Variants in FUCA1 observed in about 807,000 individuals in gnomAD.
The protein encoded by FUCA1 is tissue alpha-L-fucosidase.
In FUCA1, 52 loss-of-function variants were observed where a neutral mutation model predicts 56.8. That is an observed-to-expected ratio of 0.92 (90% CI 0.73 to 1.15). The LOEUF (loss-of-function observed/expected upper bound fraction) is 1.15. FUCA1 is among the 50% of genes most tolerant of loss of function. FUCA1 has a pLI of 0.00. For synonymous variants in FUCA1, 230 were observed against 226.6 expected, an observed-to-expected ratio of 1.02 and a Z score of -0.14; for missense variants, 568 against 592.6, an observed-to-expected ratio of 0.96 and a Z score of 0.43.
At chr1:23,861,116 G>A (rs1029622096) in intron 3 of FUCA1, among the ~76,000 whole-genome samples, 1 of 151,518 alleles carries the variant, frequency 6.6e-6, no homozygotes, top group African/African-American at 2.4e-5. Flanking sequence ...GAGGTCGGGA[G>A]ATCGAGACCA....
At chr1:23,865,242 T>G (rs982240747) in intron 2 of FUCA1, among the ~76,000 whole-genome samples, 6 of 152,202 alleles carry the variant, frequency 3.9e-5, no homozygotes, top group Non-Finnish European at 8.8e-5. Context: ...GGCCATGAAC[T>G]TCTGTAACGG....
intron 4 of FUCA1, among the ~76,000 whole-genome samples, chr1:23,857,002 G>T (rs921743568): frequency 2.7e-5 from 4 of 148,736 alleles, no homozygotes; most frequent in Non-Finnish European, 6.0e-5. Flanking sequence ...AAAAAAAAAA[G>T]AAAAGAAAAA....
At chr1:23,855,299 C>A (rs185488357) in intron 4 of FUCA1, among the ~76,000 whole-genome samples, 1 of 152,086 alleles carries the variant, frequency 6.6e-6, no homozygotes, top group Non-Finnish European at 1.5e-5. Context: ...AGATAGAGAC[C>A]AACCTGGCTA....
In FUCA1 at chr1:23,845,209, CT is replaced by C. The variant is rs1289642564; in HGVS notation, c.*505del. The C allele has an allele frequency of 5.4e-6, 1 of 185,062 alleles. No homozygotes were observed. The highest frequency in any genetic ancestry group is 1.1e-5 in the Non-Finnish European group (1 of 87,244). The allele number at this position is 185,062 out of a possible 1,614,324, so 11.5% of individuals were successfully genotyped here. On this transcript the variant is annotated 3_prime_UTR_variant, in exon 8 of 8. Coordinates refer to ENST00000374479, the MANE Select transcript of FUCA1 (RefSeq NM_000147.5). ...CGAATTTTGGCGCTTTTAGATTGCTCTGAAAATTTCTGAAGAGTTGACCATA... is the reference window on the plus strand; with the variant it reads ...CGAATTTTGGCGCTTTTAGATTGCTCGAAAATTTCTGAAGAGTTGACCATA...
intron 4 of FUCA1, among the ~76,000 whole-genome samples, chr1:23,856,085 G>T (rs1639383400): frequency 6.6e-6 from 1 of 152,136 alleles, no homozygotes; most frequent in East Asian, 1.9e-4. Context: ...TAGTCAAGGG[G>T]TCTTAGGCAG....
intron 4 of FUCA1, among the ~76,000 whole-genome samples, chr1:23,857,868 C>G (rs1322777845): frequency 6.6e-6 from 1 of 151,780 alleles, no homozygotes; most frequent in African/African-American, 2.4e-5. Flanking sequence ...CGGGGTTTCA[C>G]CGTGTTAGCC....
chr1:23,863,188 GT>G lies in FUCA1; in HGVS notation c.607del (p.Thr203HisfsTer24). ...TGTTTTTGCACTGACAAAATGCTGT[GT>G]TTTGAAGCCATTTTTCTTATCAAGT... ...YLLDKKNGFK[T>X]QHFVSAKTMP... On this transcript the variant is annotated frameshift_variant, in exon 3 of 8. Transcript: ENST00000374479. LOFTEE classifies it high-confidence loss of function. 6.2e-7 allele frequency: 1 copy of G among 1,613,926 alleles called. No individual in the cohort carries two copies. The highest frequency in any genetic ancestry group is 1.3e-5 in the African/African-American group (1 of 75,026).
intron 3 of FUCA1, among the ~76,000 whole-genome samples, chr1:23,862,867 G>A (rs1047373376): frequency 2.0e-5 from 3 of 152,232 alleles, no homozygotes; most frequent in African/African-American, 7.2e-5. Flanking sequence ...AAAACGGCAT[G>A]TAAGAAGGGA....
chr1:23,855,696 T>G (rs571346750), intron 4 of FUCA1, among the ~76,000 whole-genome samples: 1 of 152,214 alleles, frequency 6.6e-6, no homozygotes, highest in Non-Finnish European at 1.5e-5. Context: ...TTCAATCCAA[T>G]GTCTGGTACT....
chr1:23,848,686 A>G lies in FUCA1; in HGVS notation c.1123T>C (p.Trp375Arg), dbSNP rs984479234. The change falls in exon 6 of 8, where the codon TGG becomes CGG. Residue 375 changes from tryptophan to arginine, a missense_variant. Trp to Arg is a moderately radical substitution (Grantham distance 101). Transcript: ENST00000374479. ...GTGTTCTTTTCCCATTGCACCCGCC[A>G]TGGTTTGGAGGCATAGATAGCCTCC... ...NGEAIYASKP[W>R]RVQWEKNTTS... The G allele has an allele frequency of 3.1e-6, 5 of 1,614,074 alleles. No individual in the cohort carries two copies. In the African/African-American group the frequency reaches 6.7e-5, roughly 22 times the overall value.
chr1:23,864,820 T>A (rs1211781790), intron 2 of FUCA1, among the ~76,000 whole-genome samples: 2 of 151,534 alleles, frequency 1.3e-5, no homozygotes, highest in East Asian at 3.9e-4. Context: ...TTCTCCTACC[T>A]CAGCCTCCCG....
intron 5 of FUCA1, among the ~76,000 whole-genome samples, chr1:23,849,040 T>C (rs1639203897): frequency 6.6e-6 from 1 of 152,020 alleles, no homozygotes; most frequent in East Asian, 1.9e-4. Flanking sequence ...TGATCTTGGC[T>C]CAACTGCATC....
intron 1 of FUCA1, 88 bp from the exon 2 acceptor site, chr1:23,865,713 T>C: frequency 7.2e-7 from 1 of 1,388,208 alleles, no homozygotes; most frequent in Non-Finnish European, 1.0e-6. Flanking sequence ...TTTAAATAGC[T>C]GAAAGAACTT....
chr1:23,849,885 G>T (rs1639222085), intron 5 of FUCA1, among the ~76,000 whole-genome samples: 1 of 151,956 alleles, frequency 6.6e-6, no homozygotes, highest in Non-Finnish European at 1.5e-5. Flanking sequence ...TCAGCCAAGA[G>T]ATACATTCTT....
At chr1:23,855,027 T>A (rs934249721) in intron 4 of FUCA1, among the ~76,000 whole-genome samples, 1 of 151,710 alleles carries the variant, frequency 6.6e-6, no homozygotes, top group African/African-American at 2.4e-5. Flanking sequence ...ATCAGGTATC[T>A]GAACCCATGG....
chr1:23,853,052 A>C (rs1639301922), intron 5 of FUCA1, among the ~76,000 whole-genome samples: 3 of 131,502 alleles, frequency 2.3e-5, no homozygotes, highest in African/African-American at 3.2e-5. Flanking sequence ...CCCGGCCGCC[A>C]TCCCATCTAG....
At chr1:23,848,198 C>CG (rs1178335072) in intron 6 of FUCA1, among the ~76,000 whole-genome samples, 1 of 152,102 alleles carries the variant, frequency 6.6e-6, no homozygotes, top group African/African-American at 2.4e-5. Context: ...TAATTGAACA[C>CG]TGAGTTTGTG....
Position 23,868,137 on chromosome 1 carries a change from C to G in FUCA1, c.150G>C (p.Pro50=). 1.9e-6 allele frequency: 3 copies of G among 1,610,888 alleles called. No individual in the cohort carries two copies. The highest frequency in any genetic ancestry group is 2.5e-6 in the Non-Finnish European group (3 of 1,179,332). The change falls in exon 1 of 8, where the codon CCG becomes CCC. Residue 50 remains proline, a synonymous_variant. Coordinates refer to ENST00000374479, the MANE Select transcript of FUCA1 (RefSeq NM_000147.5). ...DWPSLDSRPL[P]AWFDEAKFGV... ...CGAACTTGGCTTCGTCGAACCAGGC[C>G]GGCAGCGGCCGAGAATCCAGGCTCG...
At position 23,846,119 on chromosome 1, in the gene FUCA1, A is replaced by G. The variant is rs1639134115; in HGVS notation, c.1215T>C (p.Asn405=). The G allele has an allele frequency of 1.2e-6, 2 of 1,614,050 alleles. No individual in the cohort carries two copies. Among genetic ancestry groups the G allele is most frequent in the East Asian group, 4.5e-5 (2 of 44,870 alleles). ...VYAIFLHWPE[N]GVLNLESPIT... is the part of the protein sequence containing the mutation. ...TGGGGGATTCAAGGTTTAAGACTCC[A>G]TTTTCTGGCCAGTGCAGAAAAATGG... is the stretch of plus-strand genomic sequence containing the variant. Residue 405 remains asparagine, a synonymous_variant, in exon 7 of 8, where the codon AAT becomes AAC. Coordinates refer to ENST00000374479, the MANE Select transcript of FUCA1 (RefSeq NM_000147.5).
Sources: allele counts gnomAD v4.1 joint callset (sites outside exome capture counted in the v4.1 genomes callset), GRCh38; gene constraint gnomAD v4.1.1; transcripts MANE v1.5; gene names NCBI Gene and HGNC (gene_info 2026-07-23, HGNC 2026-07-21).